The following MARCHF1 variants were observed in gnomAD, a reference collection of about 807,000 sequenced individuals.
MARCHF1 encodes membrane associated ring-CH-type finger 1.
Under a neutral mutation model 54.2 loss-of-function variants are expected in MARCHF1, and 40 were observed. That is an observed-to-expected ratio of 0.74 (90% CI 0.57 to 0.96). The LOEUF (loss-of-function observed/expected upper bound fraction) is 0.96, where lower values mean the gene tolerates loss of function less well. Ranked by LOEUF, MARCHF1 falls within the 40% of genes least tolerant of loss-of-function variation. The pLI is 0.00. For missense variants in MARCHF1, 586 were observed against 656.5 expected (o/e 0.89, Z 1.17); for synonymous variants, 236 against 236.3 (o/e 1.00, Z 0.01).
Position 163,805,338 on chromosome 4 carries a change from A to G in MARCHF1, c.111+48683T>C, listed in dbSNP as rs530961186. On this transcript the variant is annotated intron_variant, in intron 4 of 9. Transcript: ENST00000514618. The stretch of plus-strand genomic sequence containing the variant: ...TTTCAGAAATGGATGTGTTTGGATG[A>G]AAGTAAAAGAAATAAAATATTTCAC... Among the ~76,000 whole-genome samples the G allele has an allele frequency of 2.4e-3, 370 of 151,068 alleles. 2 individuals are homozygous for G. Among genetic ancestry groups the G allele is most frequent in the African/African-American group, 8.4e-3 (345 of 41,244 alleles).
intron 1 of MARCHF1, among the ~76,000 whole-genome samples, chr4:164,375,700 C>A (rs1731171118): frequency 6.6e-6 from 1 of 152,166 alleles, no homozygotes; most frequent in African/African-American, 2.4e-5. Context: ...CACACATGTA[C>A]AATTAATTCC....
At chr4:163,660,980 T>C (rs534767339) in intron 5 of MARCHF1, among the ~76,000 whole-genome samples, 5 of 152,180 alleles carry the variant, frequency 3.3e-5, no homozygotes, top group African/African-American at 4.8e-5. Flanking sequence ...TATATTTCTT[T>C]AGGTATTTAC....
intron 1 of MARCHF1, among the ~76,000 whole-genome samples, chr4:164,153,684 A>C (rs1326407928): frequency 6.6e-6 from 1 of 152,130 alleles, no homozygotes; most frequent in Non-Finnish European, 1.5e-5. Context: ...CATACAAACA[A>C]CCAAAACTAA....
intron 2 of MARCHF1, among the ~76,000 whole-genome samples, chr4:164,106,776 A>AAT (rs1451865871): frequency 1.3e-5 from 2 of 150,140 alleles, no homozygotes; most frequent in African/African-American, 5.0e-5. Flanking sequence ...TAAAAATAAA[A>AAT]AATAAAAAAA....
intron 4 of MARCHF1, among the ~76,000 whole-genome samples, chr4:163,839,338 A>G (rs187821953): frequency 6.6e-6 from 1 of 152,118 alleles, no homozygotes; most frequent in Non-Finnish European, 1.5e-5. Flanking sequence ...CTGAGTTACC[A>G]TAAGACCAAT....
chr4:164,100,326 C>T (rs1755513631), intron 2 of MARCHF1, among the ~76,000 whole-genome samples: 1 of 152,184 alleles, frequency 6.6e-6, no homozygotes, highest in African/African-American at 2.4e-5. Flanking sequence ...CAAGGTTTTG[C>T]TTTTGACGGT....
chr4:163,730,853 G>T (rs1745804538), intron 4 of MARCHF1, among the ~76,000 whole-genome samples: 1 of 152,072 alleles, frequency 6.6e-6, no homozygotes, highest in African/African-American at 2.4e-5. Flanking sequence ...ACCAGTAAAA[G>T]TCAATTATGT....
intron 4 of MARCHF1, among the ~76,000 whole-genome samples, chr4:163,804,093 G>A (rs1363085539): frequency 1.3e-5 from 2 of 152,196 alleles, no homozygotes; most frequent in Non-Finnish European, 2.9e-5. Flanking sequence ...ATAGATCACA[G>A]TGAAATGATC....
chr4:163,590,057 G>GGTGTGTGTGTGTGTGTTTGT (rs1553994820), intron 7 of MARCHF1, among the ~76,000 whole-genome samples: 2 of 146,168 alleles, frequency 1.4e-5, no homozygotes, highest in Admixed American at 1.4e-4. Context: ...TTTAGATTTT[G>GGTGTGTGTGTGTGTGTTTGT]GTGTGTGTGT....
chr4:164,081,207 CAAAAAAAAAA>C (rs60753810), intron 2 of MARCHF1, among the ~76,000 whole-genome samples: 477 of 18,400 alleles, frequency 0.026, 5 homozygotes, highest in Non-Finnish European at 0.038. Context: ...GACGCTGTCT[CAAAAAAAAAA>C]AAAAAAAAAA....
chr4:164,357,309 C>A (rs1461672046), intron 1 of MARCHF1, among the ~76,000 whole-genome samples: 1 of 152,016 alleles, frequency 6.6e-6, no homozygotes, highest in African/African-American at 2.4e-5. Flanking sequence ...ACTTAGATTT[C>A]TTGGTTTGTG....
intron 9 of MARCHF1, among the ~76,000 whole-genome samples, chr4:163,540,198 A>T (rs1486596618): frequency 6.6e-6 from 1 of 152,160 alleles, no homozygotes; most frequent in African/African-American, 2.4e-5. Flanking sequence ...ATGCAACTGG[A>T]GACACCTAGA....
At chr4:164,239,265 C>A (rs1208594077) in intron 1 of MARCHF1, among the ~76,000 whole-genome samples, 2 of 152,010 alleles carry the variant, frequency 1.3e-5, no homozygotes, top group Non-Finnish European at 1.5e-5. Context: ...GTGTCATGAT[C>A]AAAGTATAGT....
chr4:163,536,251 G>A (rs1179945982), intron 9 of MARCHF1, among the ~76,000 whole-genome samples: 1 of 152,044 alleles, frequency 6.6e-6, no homozygotes, highest in African/African-American at 2.4e-5. Context: ...CCATTTTTAG[G>A]GAAATTCTCA....
intron 1 of MARCHF1, among the ~76,000 whole-genome samples, chr4:164,170,562 T>C (rs1430159408): frequency 6.6e-6 from 1 of 152,104 alleles, no homozygotes; most frequent in East Asian, 1.9e-4. Flanking sequence ...AAATGTTTAC[T>C]AAACATTAGC....
intron 2 of MARCHF1, among the ~76,000 whole-genome samples, chr4:164,076,359 G>A (rs1371823424): frequency 6.6e-6 from 1 of 152,062 alleles, no homozygotes; most frequent in Admixed American, 6.6e-5. Flanking sequence ...GCTAAAAACT[G>A]TCAATAAACT....
At chr4:164,188,261 C>T (rs899438197) in intron 1 of MARCHF1, 7 of 276,104 alleles carry the variant, frequency 2.5e-5, no homozygotes, top group Non-Finnish European at 5.0e-5. Context: ...ACAGACAGAC[C>T]GACCGACCGA....
At chr4:163,858,427 C>T (rs1749829686) in intron 3 of MARCHF1, among the ~76,000 whole-genome samples, 1 of 152,114 alleles carries the variant, frequency 6.6e-6, no homozygotes, top group Non-Finnish European at 1.5e-5. Context: ...TATGATTAAG[C>T]TGAATGCTCC....
intron 3 of MARCHF1, among the ~76,000 whole-genome samples, chr4:163,987,258 A>C (rs1752887001): frequency 6.6e-6 from 1 of 152,218 alleles, no homozygotes; most frequent in East Asian, 1.9e-4. Flanking sequence ...AATTCCAGAA[A>C]TATTTGATGT....
Sources: allele counts gnomAD v4.1 joint callset (sites outside exome capture counted in the v4.1 genomes callset), GRCh38; gene constraint gnomAD v4.1.1; transcripts MANE v1.5; gene names NCBI Gene and HGNC (gene_info 2026-07-23, HGNC 2026-07-21).